LRRK2: variants seen among roughly 807,000 people sequenced by gnomAD.
The protein encoded by LRRK2 is leucine rich repeat kinase 2, also known as leucine-rich repeat serine/threonine-protein kinase 2.
A neutral mutation model predicts 302.6 loss-of-function variants in LRRK2; 203 were observed. The ratio of observed to expected loss-of-function variants is 0.67; its 90% CI spans 0.60 to 0.75. The LOEUF (loss-of-function observed/expected upper bound fraction) is 0.75. LRRK2 is among the 30% of genes least tolerant of loss of function. The probability of loss-of-function intolerance (pLI) is 0.00; values close to 1 mark genes in which losing one functional copy is unlikely to be tolerated. For synonymous variants in LRRK2, 1,066 were observed against 1,031.9 expected, an observed-to-expected ratio of 1.03 and a Z score of -0.63; for missense variants, 2,830 against 2,951.0, an observed-to-expected ratio of 0.96 and a Z score of 0.95.
chr12:40,270,264 T>A (rs575431907), intron 14 of LRRK2, among the ~76,000 whole-genome samples: 2 of 152,174 alleles, frequency 1.3e-5, no homozygotes, highest in South Asian at 4.1e-4. Context: ...CACCTACTTT[T>A]GTTCAATAAA....
At position 40,305,973 on chromosome 12, in the gene LRRK2, T is replaced by A. The variant is rs200440902; in HGVS notation, c.3959+7T>A. 6.3e-7 allele frequency: 1 copy of A among 1,598,326 alleles called. No homozygotes were observed. Among genetic ancestry groups the A allele is most frequent in the Non-Finnish European group, 8.6e-7 (1 of 1,168,780 alleles). The stretch of plus-strand genomic sequence containing the variant: ...AAGCCAAAGACATCATAAGGTTAGA[T>A]AATTTTTTTCTATTTGGTTTTACTA... On this transcript the variant is annotated splice_region_variant and intron_variant, in intron 28 of 50. Transcript: ENST00000298910.
intron 3 of LRRK2, among the ~76,000 whole-genome samples, chr12:40,235,314 A>G (rs1251676788): frequency 6.6e-6 from 1 of 152,204 alleles, no homozygotes; most frequent in East Asian, 1.9e-4. Flanking sequence ...CCAAAAAAGA[A>G]TGAAAAAATT....
At chr12:40,301,012 T>G (rs1944605115) in intron 25 of LRRK2, 1 of 466,240 alleles carries the variant, frequency 2.1e-6, no homozygotes, top group Non-Finnish European at 4.4e-6. Context: ...AGGTATGACC[T>G]CTGCCCAATT....
chr12:40,322,269 G>T, intron 36 of LRRK2, 50 bp from the exon 37 acceptor site: 2 of 1,602,796 alleles, frequency 1.2e-6, no homozygotes, highest in East Asian at 2.2e-5. Flanking sequence ...AAAGCTTTGC[G>T]ACAGTATGAG....
In LRRK2 at chr12:40,322,504, GAGGAAGGT is replaced by G; in HGVS notation, c.5505_5509+3del. On this transcript the variant is annotated splice_donor_variant and coding_sequence_variant, in exon 37 of 51. Coordinates refer to ENST00000298910, the MANE Select transcript of LRRK2 (RefSeq NM_198578.4). LOFTEE classifies it high-confidence loss of function. The stretch of plus-strand genomic sequence containing the variant: ...ACTTGATGACTTGATGAAGAAAGCA[GAGGAAGGT>G]ATGTTTTGATACAACTTACAAATGC... The G allele has an allele frequency of 1.2e-6, 2 of 1,612,690 alleles. No homozygotes were observed. Among genetic ancestry groups the G allele is most frequent in the Non-Finnish European group, 1.7e-6 (2 of 1,179,008 alleles).
intron 19 of LRRK2, among the ~76,000 whole-genome samples, chr12:40,284,473 CTCTTA>C (rs907310403): frequency 4.4e-5 from 6 of 136,850 alleles, no homozygotes; most frequent in Non-Finnish European, 8.3e-5. Context: ...CTTATTTTAT[CTCTTA>C]TAAGTAATTA....
chr12:40,327,598 G>A (rs532136637), intron 38 of LRRK2, among the ~76,000 whole-genome samples: 1 of 152,294 alleles, frequency 6.6e-6, no homozygotes, highest in South Asian at 2.1e-4. Flanking sequence ...ATTTGATTTA[G>A]TAGGCAACGC....
At position 40,360,415 on chromosome 12, in the gene LRRK2, C is replaced by G. The variant is rs182770625; in HGVS notation, c.7028+971C>G. On this transcript the variant is annotated intron_variant, in intron 47 of 50. Transcript: ENST00000298910. ...CTTTGACTCCTTTGTTTTTTGCTCC[C>G]TTTATCCACTTGACCCTCCTAATTG... is the stretch of plus-strand genomic sequence containing the variant. Among the ~76,000 whole-genome samples, 421 of 152,004 alleles carry G rather than the reference C, an allele frequency of 2.8e-3. 1 individual carries two copies. The highest frequency in any genetic ancestry group is 4.8e-3 in the Non-Finnish European group (324 of 67,928).
intron 47 of LRRK2, 26 bp from the exon 48 acceptor site, chr12:40,363,376 G>T: frequency 6.4e-7 from 1 of 1,555,036 alleles, no homozygotes; most frequent in South Asian, 1.1e-5. Context: ...AAATAGTGAT[G>T]ACTTTCTATT....
At chr12:40,235,597 C>G in intron 3 of LRRK2, 29 bp from the exon 4 acceptor site, 2 of 1,445,706 alleles carry the variant, frequency 1.4e-6, no homozygotes, top group South Asian at 2.3e-5. Flanking sequence ...ATATTTCATT[C>G]TTATCTTGAT....
intron 25 of LRRK2, among the ~76,000 whole-genome samples, chr12:40,302,165 G>T (rs535761726): frequency 6.6e-6 from 1 of 151,930 alleles, no homozygotes; most frequent in African/African-American, 2.4e-5. Flanking sequence ...GCAACAGAGC[G>T]AGACTCTGTC....
At chr12:40,349,987 G>A (rs1399795124) in intron 43 of LRRK2, among the ~76,000 whole-genome samples, 2 of 152,198 alleles carry the variant, frequency 1.3e-5, no homozygotes, top group African/African-American at 4.8e-5. Context: ...CCCAGTTAAC[G>A]TAAATCTGGT....
intron 33 of LRRK2, among the ~76,000 whole-genome samples, chr12:40,319,003 C>T (rs1020880868): frequency 6.6e-6 from 1 of 152,026 alleles, no homozygotes; most frequent in Non-Finnish European, 1.5e-5. Context: ...GTCCTTGGGC[C>T]TAAGGACTTT....
chr12:40,274,440 TA>T (rs1187784243), intron 14 of LRRK2, 142 bp from the exon 15 acceptor site: 4 of 779,964 alleles, frequency 5.1e-6, no homozygotes, highest in Non-Finnish European at 8.1e-6. Flanking sequence ...TAAATAAAAG[TA>T]ATTAATGTTA....
chr12:40,269,678 A>G (rs1035885985), intron 14 of LRRK2, among the ~76,000 whole-genome samples: 1 of 152,184 alleles, frequency 6.6e-6, no homozygotes, highest in Admixed American at 6.6e-5. Flanking sequence ...AAATTGTATC[A>G]TCCTGCATAA....
At chr12:40,316,924 A>G (rs928096522) in intron 33 of LRRK2, among the ~76,000 whole-genome samples, 1 of 152,086 alleles carries the variant, frequency 6.6e-6, no homozygotes, top group African/African-American at 2.4e-5. Flanking sequence ...CCACATAGTC[A>G]AGGAAAAGCT....
chr12:40,356,174 A>T lies in LRRK2; in HGVS notation c.6830A>T (p.Asp2277Val). ...TADGKLAIFE[D>V]KTVKLKGAAP... ...GATGGCAAGTTAGCAATTTTTGAAG[A>T]TAAGACTGTTAAGGTAAATGTTGAA... Residue 2277 changes from aspartate (D) to valine (V), a missense_variant, in exon 46 of 51, where the codon GAT becomes GTT. Physicochemically the swap from Asp to Val is radical, Grantham distance 152. This residue lies in a region of LRRK2 where 456 missense variants were observed against 456.3 expected (regional missense o/e 1.00). Transcript: ENST00000298910. 6.2e-7 allele frequency: 1 copy of T among 1,611,452 alleles called. No individual in the cohort carries two copies. The highest frequency in any genetic ancestry group is 8.5e-7 in the Non-Finnish European group (1 of 1,178,580).
chr12:40,348,414 G>A lies in LRRK2; in HGVS notation c.6286G>A (p.Val2096Ile). The part of the protein sequence containing the change: ...LEIQGKLPDP[V>I]KEYGCAPWPM... ...GATGTTTTTTAATGTTTTAGATCCA[G>A]TTAAAGAATATGGTTGTGCCCCATG... The change falls in exon 43 of 51, where the codon GTT (valine) becomes ATT (isoleucine). Residue 2096 changes from valine (V) to isoleucine (I), a missense_variant. Val to Ile is a conservative substitution (Grantham distance 29). Around this residue, in one of 3 missense-constraint regions of LRRK2, gnomAD observed 253 missense variants for 346.7 expected, o/e 0.73. Coordinates refer to ENST00000298910, the MANE Select transcript of LRRK2 (RefSeq NM_198578.4). The A allele has an allele frequency of 1.9e-6, 3 of 1,602,344 alleles. No homozygotes were observed. The highest frequency in any genetic ancestry group is 2.6e-6 in the Non-Finnish European group (3 of 1,169,704).
intron 13 of LRRK2, among the ~76,000 whole-genome samples, chr12:40,259,830 C>T (rs796358113): frequency 4.6e-5 from 7 of 152,244 alleles, no homozygotes; most frequent in African/African-American, 1.7e-4. Flanking sequence ...TACAAAGTAA[C>T]TACAATGTAA....
Sources: allele counts gnomAD v4.1 joint callset (sites outside exome capture counted in the v4.1 genomes callset), GRCh38; gene constraint gnomAD v4.1.1; regional missense constraint gnomAD v4.1.1; transcripts MANE v1.5; gene names NCBI Gene and HGNC (gene_info 2026-07-23, HGNC 2026-07-21).